MTHFD1L: variants seen among roughly 807,000 people sequenced by gnomAD.
MTHFD1L encodes the protein methylenetetrahydrofolate dehydrogenase (NADP+ dependent) 1 like.
A neutral mutation model predicts 119.5 loss-of-function variants in MTHFD1L; 81 were observed. The observed-to-expected ratio is 0.68, with a 90% CI of 0.57 to 0.82. The LOEUF (loss-of-function observed/expected upper bound fraction) is 0.82, where lower values mean the gene tolerates loss of function less well. Among genes scored for constraint, MTHFD1L ranks in the 40% least tolerant of loss-of-function variants. The pLI, the probability that MTHFD1L is intolerant of heterozygous loss-of-function variation, is 0.00. For missense variants in MTHFD1L, 1,125 were observed against 1,253.4 expected (o/e 0.90, Z 1.55); for synonymous variants, 430 against 475.2 (o/e 0.90, Z 1.24).
chr6:151,059,859 T>A (rs959577326), intron 26 of MTHFD1L, among the ~76,000 whole-genome samples: 11 of 152,194 alleles, frequency 7.2e-5, no homozygotes, highest in Admixed American at 1.3e-4. Flanking sequence ...TCGCCCGCTT[T>A]ATTTACGAGC....
At chr6:151,044,182 C>T (rs1295487651) in intron 26 of MTHFD1L, among the ~76,000 whole-genome samples, 3 of 152,132 alleles carry the variant, frequency 2.0e-5, no homozygotes, top group Admixed American at 6.5e-5. Context: ...GCCTGCCCCC[C>T]ATGTGGTTAT....
chr6:150,917,666 A>G (rs768054578), intron 8 of MTHFD1L, among the ~76,000 whole-genome samples: 1 of 152,210 alleles, frequency 6.6e-6, no homozygotes, highest in Non-Finnish European at 1.5e-5. Context: ...TAAACTACAT[A>G]CTATATGCCA....
chr6:150,869,732 A>G (rs967686645), intron 1 of MTHFD1L, among the ~76,000 whole-genome samples: 1 of 152,154 alleles, frequency 6.6e-6, no homozygotes, highest in Non-Finnish European at 1.5e-5. Flanking sequence ...CGAGGATTGG[A>G]GCAAAGTGGG....
At chr6:151,073,918 C>A (rs1293226958) in intron 26 of MTHFD1L, among the ~76,000 whole-genome samples, 1 of 151,952 alleles carries the variant, frequency 6.6e-6, no homozygotes. Context: ...AAATAATGGG[C>A]AAAACGTTTT....
intron 18 of MTHFD1L, among the ~76,000 whole-genome samples, chr6:150,963,437 T>C (rs1796744741): frequency 6.6e-6 from 1 of 152,198 alleles, no homozygotes. Context: ...GTTTAATCAT[T>C]CCACAGCATA....
intron 20 of MTHFD1L, among the ~76,000 whole-genome samples, chr6:150,994,793 A>G (rs745659059): frequency 1.3e-5 from 2 of 152,180 alleles, no homozygotes; most frequent in Non-Finnish European, 2.9e-5. Context: ...GATTAGTTGA[A>G]TCGATTGGGA....
chr6:150,882,730 A>T, intron 4 of MTHFD1L, 32 bp from the exon 5 acceptor site: 1 of 1,413,528 alleles, frequency 7.1e-7, no homozygotes, highest in South Asian at 1.6e-5. Context: ...CACAAAACTA[A>T]TTTTTATTTT....
intron 20 of MTHFD1L, among the ~76,000 whole-genome samples, chr6:151,003,884 C>T (rs186660665): frequency 6.6e-6 from 1 of 152,052 alleles, no homozygotes; most frequent in East Asian, 1.9e-4. Flanking sequence ...CAGAAAGTAA[C>T]TGGCCTGGTG....
chr6:150,959,586 C>T (rs1185683455), intron 17 of MTHFD1L, among the ~76,000 whole-genome samples: 1 of 152,168 alleles, frequency 6.6e-6, no homozygotes, highest in Non-Finnish European at 1.5e-5. Context: ...CTGATGTGGC[C>T]ATATCCTCCT....
rs797008696 is a variant in MTHFD1L, at chr6:151,051,262, C to T, written c.2847+14145C>T. On this transcript the variant is annotated intron_variant, in intron 26 of 27. Transcript: ENST00000367321. ...AAATATATTTTGTATGATAGCACACCCACCAGATTGGATCGTGGGGCCATA... is the reference window on the plus strand; with the variant it reads ...AAATATATTTTGTATGATAGCACACTCACCAGATTGGATCGTGGGGCCATA... Among the ~76,000 whole-genome samples, 59 of 152,288 alleles carry T rather than the reference C, an allele frequency of 3.9e-4. 1 individual carries two copies. The highest frequency in any genetic ancestry group is 1.3e-3 in the African/African-American group (54 of 41,558).
chr6:150,995,943 G>C (rs1779756021), intron 20 of MTHFD1L, among the ~76,000 whole-genome samples: 1 of 152,104 alleles, frequency 6.6e-6, no homozygotes, highest in South Asian at 2.1e-4. Flanking sequence ...TTACAGGCGT[G>C]AGCCACGGTG....
intron 6 of MTHFD1L, among the ~76,000 whole-genome samples, chr6:150,887,198 A>G (rs1397831227): frequency 6.6e-6 from 1 of 152,180 alleles, no homozygotes; most frequent in East Asian, 1.9e-4. Context: ...TTAAGCTCAA[A>G]TCTATGAAAT....
At chr6:151,080,761 G>GCCTCT (rs768653411) in intron 26 of MTHFD1L, among the ~76,000 whole-genome samples, 19 of 152,312 alleles carry the variant, frequency 1.2e-4, no homozygotes, top group Admixed American at 5.2e-4. Flanking sequence ...TTCTGCTGAG[G>GCCTCT]CCTCTCTTCT....
rs889111572 is a variant in MTHFD1L, at chr6:150,959,140, T to C, written c.1804-1135T>C. 5.3e-6 allele frequency: 5 copies of C among 948,926 alleles called. No homozygotes were observed. In the African/African-American group the frequency reaches 7.1e-5, roughly 13 times the overall value. 58.8% of individuals were successfully genotyped at this position (948,926 alleles called of 1,614,324 possible). A position where few individuals can be genotyped will look rare whatever the true frequency, so the allele number is the denominator to read the frequency against. On this transcript the variant is annotated intron_variant, in intron 17 of 27. Coordinates refer to ENST00000367321, the MANE Select transcript of MTHFD1L (RefSeq NM_015440.5). Reference sequence around the variant, plus strand: ...TTGAGAATGTAATAATTGAATATAGTTGTATTTGACTTTCAGGTAATATTT... The same window carrying C: ...TTGAGAATGTAATAATTGAATATAGCTGTATTTGACTTTCAGGTAATATTT...
At chr6:150,966,716 C>A (rs185468864) in intron 19 of MTHFD1L, among the ~76,000 whole-genome samples, 1 of 152,174 alleles carries the variant, frequency 6.6e-6, no homozygotes, top group Non-Finnish European at 1.5e-5. Flanking sequence ...ATCCCAGCTC[C>A]TTGGGAGGCT....
intron 26 of MTHFD1L, among the ~76,000 whole-genome samples, chr6:151,069,022 C>T (rs549939852): frequency 1.8e-4 from 27 of 152,208 alleles, no homozygotes; most frequent in African/African-American, 6.3e-4. Context: ...ACTATGGTAT[C>T]GTTTTATTGC....
chr6:151,032,707 G>A (rs1239987357), intron 24 of MTHFD1L, among the ~76,000 whole-genome samples: 3 of 152,168 alleles, frequency 2.0e-5, no homozygotes, highest in African/African-American at 4.8e-5. Flanking sequence ...CCTCATCCAT[G>A]AGCAAACTAT....
chr6:151,006,277 G>A (rs1331825427), intron 20 of MTHFD1L, among the ~76,000 whole-genome samples: 1 of 152,194 alleles, frequency 6.6e-6, no homozygotes, highest in Non-Finnish European at 1.5e-5. Flanking sequence ...TCCAAGCTGA[G>A]TCTTGGACAG....
At chr6:151,050,121 G>A (rs573743966) in intron 26 of MTHFD1L, among the ~76,000 whole-genome samples, 7 of 152,178 alleles carry the variant, frequency 4.6e-5, no homozygotes, top group South Asian at 4.2e-4. Context: ...CCCATACCTC[G>A]CCCTACACAC....
Sources: gnomAD v4.1 joint callset for allele counts (sites outside exome capture counted in the v4.1 genomes callset) on GRCh38, gnomAD v4.1.1 for gene constraint, MANE v1.5 for transcripts, NCBI Gene and HGNC (gene_info 2026-07-23, HGNC 2026-07-21) for gene names.